SCUBE1: variants seen among roughly 807,000 people sequenced by gnomAD.
SCUBE1 encodes signal peptide, CUB and EGF-like domain-containing protein 1.
SCUBE1 carries 59 observed loss-of-function variants against 124.4 expected under a neutral mutation model. That is an observed-to-expected ratio of 0.47 (90% CI 0.38 to 0.59). The LOEUF (loss-of-function observed/expected upper bound fraction) is 0.59. Among genes scored for constraint, SCUBE1 ranks in the 20% least tolerant of loss-of-function variants. SCUBE1 has a pLI of 0.00. For synonymous variants in SCUBE1, 545 were observed against 550.9 expected, an observed-to-expected ratio of 0.99 and a Z score of 0.15; for missense variants, 1,150 against 1,371.2, an observed-to-expected ratio of 0.84 and a Z score of 2.55.
At chr22:43,341,392 T>C (rs1157139150) in intron 1 of SCUBE1, among the ~76,000 whole-genome samples, 1 of 152,116 alleles carries the variant, frequency 6.6e-6, no homozygotes, top group Non-Finnish European at 1.5e-5. Flanking sequence ...GGCTTCTGTT[T>C]GGGAGGACTG....
intron 3 of SCUBE1, among the ~76,000 whole-genome samples, chr22:43,295,791 CCTA>C (rs906322999): frequency 6.6e-6 from 1 of 152,250 alleles, no homozygotes. Flanking sequence ...ACACCAAGCA[CCTA>C]CTCTGTGCCA....
chr22:43,248,089 G>A (rs1923289186), intron 6 of SCUBE1, among the ~76,000 whole-genome samples: 1 of 152,242 alleles, frequency 6.6e-6, no homozygotes, highest in South Asian at 2.1e-4. Flanking sequence ...AGCTGGTGGG[G>A]CTGGGAGACA....
chr22:43,299,280 G>T (rs575000835), intron 3 of SCUBE1, among the ~76,000 whole-genome samples: 26 of 152,252 alleles, frequency 1.7e-4, no homozygotes, highest in African/African-American at 5.3e-4. Context: ...GCACGAAGCC[G>T]CTGCTCATGG....
chr22:43,260,889 G>A (rs76331572), intron 5 of SCUBE1, among the ~76,000 whole-genome samples: 2,071 of 152,276 alleles, frequency 0.014, 53 homozygotes, highest in African/African-American at 0.044. Context: ...CCAGGCTGGC[G>A]CTCAGAAGAT....
chr22:43,252,150 G>A (rs992689713), intron 6 of SCUBE1, among the ~76,000 whole-genome samples: 3 of 152,234 alleles, frequency 2.0e-5, no homozygotes, highest in Non-Finnish European at 2.9e-5. Context: ...AGGGACTGGG[G>A]TGACTATCAC....
intron 17 of SCUBE1, among the ~76,000 whole-genome samples, chr22:43,212,032 G>A (rs1054168084): frequency 3.3e-5 from 5 of 152,126 alleles, no homozygotes; most frequent in African/African-American, 1.2e-4. Context: ...GTAGACCTGG[G>A]TGGGACCAGA....
At chr22:43,292,462 G>A (rs1016095650) in intron 3 of SCUBE1, among the ~76,000 whole-genome samples, 1 of 151,542 alleles carries the variant, frequency 6.6e-6, no homozygotes, top group African/African-American at 2.4e-5. Context: ...AAACCTTAAT[G>A]TTCCATGTCT....
At chr22:43,331,597 T>C (rs1926905271) in intron 2 of SCUBE1, among the ~76,000 whole-genome samples, 1 of 152,242 alleles carries the variant, frequency 6.6e-6, no homozygotes, top group Admixed American at 6.5e-5. Context: ...GGCCTGGTCC[T>C]GATTATAAAC....
Position 43,255,406 on chromosome 22 carries a change from T to A in SCUBE1, c.727+2813A>T. On this transcript the variant is annotated intron_variant, in intron 6 of 21. Transcript: ENST00000360835. The surrounding 1 kb of genome is among the most constrained non-coding windows in gnomAD (Gnocchi z 4.7). ...CAGCACACACACGCCCATGTCCACA[T>A]GCCAGTGCGCACCCGAGACACACAT... 2 of 1,196,156 alleles carry A rather than the reference T, an allele frequency of 1.7e-6. No homozygotes were observed. The highest frequency in any genetic ancestry group is 2.6e-5 in the South Asian group (2 of 76,406). The allele number at this position is 1,196,156 out of a possible 1,614,324, so 74.1% of individuals were successfully genotyped here.
At chr22:43,206,161 C>T (rs1373704087) in intron 21 of SCUBE1, among the ~76,000 whole-genome samples, 1 of 136,282 alleles carries the variant, frequency 7.3e-6, no homozygotes, top group Non-Finnish European at 1.6e-5. Context: ...CACACCCCCC[C>T]AAACACACCA....
intron 21 of SCUBE1, among the ~76,000 whole-genome samples, chr22:43,207,060 T>C (rs1029240214): frequency 1.3e-5 from 2 of 151,974 alleles, no homozygotes; most frequent in Non-Finnish European, 2.9e-5. Context: ...GAGTCCTGGG[T>C]CCCCAGGCCT....
At chr22:43,250,665 C>T (rs781158820) in intron 6 of SCUBE1, among the ~76,000 whole-genome samples, 4 of 151,116 alleles carry the variant, frequency 2.6e-5, no homozygotes, top group Non-Finnish European at 4.4e-5. Flanking sequence ...ACTCGCACTG[C>T]TCTCAGGGTG....
chr22:43,222,584 G>T, intron 12 of SCUBE1, 54 bp downstream of exon 12: 3 of 1,339,890 alleles, frequency 2.2e-6, no homozygotes, highest in Non-Finnish European at 3.1e-6. Context: ...GCATGTTGCT[G>T]GATGCAGTCA....
At chr22:43,237,081 T>C (rs1332767792) in intron 7 of SCUBE1, among the ~76,000 whole-genome samples, 3 of 122,510 alleles carry the variant, frequency 2.4e-5, no homozygotes, top group African/African-American at 9.5e-5. Flanking sequence ...CCCGACCGCT[T>C]GAAGAGCAAA....
intron 12 of SCUBE1, 105 bp from the exon 13 acceptor site, chr22:43,221,394 G>A (rs940713919): frequency 1.3e-5 from 9 of 691,638 alleles, no homozygotes; most frequent in Non-Finnish European, 2.1e-5. Context: ...GCTGGGGGTG[G>A]GGCTTGATCT....
At chr22:43,214,046 C>CCGGGGGGGGGGGG in intron 16 of SCUBE1, 44 bp downstream of exon 16, 3 of 422,702 alleles carry the variant, frequency 7.1e-6, no homozygotes, top group Non-Finnish European at 1.2e-5. Context: ...GAGGAGCCCC[C>CCGGGGGGGGGGGG]GCCCACCCCC....
At chr22:43,257,941 A>C (rs1024417543) in intron 6 of SCUBE1, among the ~76,000 whole-genome samples, 11 of 152,146 alleles carry the variant, frequency 7.2e-5, no homozygotes, top group Admixed American at 7.2e-4. Context: ...GACGTGCAGA[A>C]TCCCTGCTGC....
At chr22:43,317,151 A>T (rs2146781416) in intron 3 of SCUBE1, 2 of 152,380 alleles carry the variant, frequency 1.3e-5, no homozygotes, top group East Asian at 3.9e-4. Flanking sequence ...AAAATGTTTT[A>T]TGCCCAGAAC....
At chr22:43,342,857 C>G (rs1306131933) in intron 1 of SCUBE1, among the ~76,000 whole-genome samples, 4 of 151,722 alleles carry the variant, frequency 2.6e-5, no homozygotes, top group Admixed American at 6.6e-5. Context: ...GCTCGGGGTC[C>G]CGCCCCGCCC....
Sources: gnomAD v4.1 joint callset for allele counts (sites outside exome capture counted in the v4.1 genomes callset) on GRCh38, gnomAD v4.1.1 for gene constraint, Gnocchi (gnomAD v3.1) non-coding constraint, MANE v1.5 for transcripts, NCBI Gene and HGNC (gene_info 2026-07-23, HGNC 2026-07-21) for gene names.